PLXDC2: variants seen among roughly 807,000 people sequenced by gnomAD.
PLXDC2 encodes plexin domain containing 2.
Under a neutral mutation model 68.9 loss-of-function variants are expected in PLXDC2, and 40 were observed. The ratio of observed to expected loss-of-function variants is 0.58; its 90% CI spans 0.45 to 0.76. PLXDC2 has a LOEUF of 0.76. PLXDC2 is among the 30% of genes least tolerant of loss of function. PLXDC2 has a pLI of 0.00. For synonymous variants in PLXDC2, 243 were observed against 234.2 expected, an observed-to-expected ratio of 1.04 and a Z score of -0.34; for missense variants, 644 against 661.9, an observed-to-expected ratio of 0.97 and a Z score of 0.30.
At chr10:19,936,767 C>G (rs1230244108) in intron 1 of PLXDC2, among the ~76,000 whole-genome samples, 1 of 152,138 alleles carries the variant, frequency 6.6e-6, no homozygotes, top group African/African-American at 2.4e-5. Context: ...GATCATTTGC[C>G]TTAGAATGTG....
chr10:19,845,670 T>A (rs1836994945), intron 1 of PLXDC2, among the ~76,000 whole-genome samples: 1 of 152,212 alleles, frequency 6.6e-6, no homozygotes, highest in South Asian at 2.1e-4. Context: ...GCTCCTTGAC[T>A]GCTCCTGCAG....
intron 1 of PLXDC2, among the ~76,000 whole-genome samples, chr10:19,881,918 T>G (rs185098648): frequency 2.6e-5 from 4 of 152,358 alleles, no homozygotes; most frequent in Admixed American, 2.0e-4. Context: ...CCTTCTCAAC[T>G]AACTGAAAGA....
chr10:19,821,071 G>A (rs141527823), intron 1 of PLXDC2, among the ~76,000 whole-genome samples: 2 of 152,234 alleles, frequency 1.3e-5, no homozygotes, highest in Non-Finnish European at 2.9e-5. Context: ...GCGACAAAGG[G>A]AGACCCTGCC....
In PLXDC2 at chr10:20,147,681, A is replaced by G. The variant is rs1834097667; in HGVS notation, c.665-103A>G. On this transcript the variant is annotated intron_variant, in intron 5 of 13. Coordinates refer to ENST00000377252, the MANE Select transcript of PLXDC2 (RefSeq NM_032812.9). The stretch of plus-strand genomic sequence containing the variant: ...ATAAAATCGAAATAGTACAACTACC[A>G]GATTTGAAGGCCAGATGCAAAAACA... The G allele has an allele frequency of 6.0e-6, 4 of 665,800 alleles. No homozygotes were observed. The South Asian group carries it at 8.5e-5, about 14-fold the overall frequency. 41.2% of individuals were successfully genotyped at this position (665,800 alleles called of 1,614,324 possible). A position where few individuals can be genotyped will look rare whatever the true frequency, so the allele number is the denominator to read the frequency against.
Position 20,279,905 on chromosome 10 carries a change from C to CAA in PLXDC2, c.*87_*88insAA. 2.1e-6 allele frequency: 2 copies of CAA among 964,314 alleles called. No homozygotes were observed. Among genetic ancestry groups the CAA allele is most frequent in the Non-Finnish European group, 3.3e-6 (2 of 607,956 alleles). The allele number at this position is 964,314 out of a possible 1,614,324, so 59.7% of individuals were successfully genotyped here. ...TATACCTTTAAGACAAACAAACAAACACACACACAAACAAGCTCTAAGCTG... is the reference window on the plus strand; with the variant it reads ...TATACCTTTAAGACAAACAAACAAACAAACACACACAAACAAGCTCTAAGCTG... On this transcript the variant is annotated 3_prime_UTR_variant, in exon 14 of 14. Coordinates refer to ENST00000377252, the MANE Select transcript of PLXDC2 (RefSeq NM_032812.9).
chr10:19,847,795 T>C (rs1837037943), intron 1 of PLXDC2, among the ~76,000 whole-genome samples: 1 of 151,900 alleles, frequency 6.6e-6, no homozygotes, highest in Admixed American at 6.6e-5. Context: ...TCACATAGAG[T>C]CTATATTTTG....
chr10:20,099,514 A>T (rs961678329), intron 4 of PLXDC2, among the ~76,000 whole-genome samples: 3 of 152,186 alleles, frequency 2.0e-5, no homozygotes, highest in African/African-American at 7.2e-5. Flanking sequence ...CTTCTCACAG[A>T]TCCTCAAAAG....
At chr10:20,155,005 T>C (rs1235364698) in intron 6 of PLXDC2, among the ~76,000 whole-genome samples, 2 of 152,276 alleles carry the variant, frequency 1.3e-5, no homozygotes, top group Non-Finnish European at 2.9e-5. Context: ...GAGGTCAATA[T>C]AGAGGAACTT....
At chr10:19,996,791 G>A (rs1301893237) in intron 1 of PLXDC2, among the ~76,000 whole-genome samples, 1 of 152,130 alleles carries the variant, frequency 6.6e-6, no homozygotes, top group Non-Finnish European at 1.5e-5. Flanking sequence ...GGAAGGCGAG[G>A]AGGGGCAAGT....
chr10:20,266,141 G>A lies in PLXDC2; in HGVS notation c.1474-13562G>A, dbSNP rs577670563. On this transcript the variant is annotated intron_variant, in intron 13 of 13. Coordinates refer to ENST00000377252, the MANE Select transcript of PLXDC2 (RefSeq NM_032812.9). ...ATAAGGTCACATAAGACGTTTATTA[G>A]AGTAATGAGAAATCAGGGAAAATCA... Among the ~76,000 whole-genome samples the A allele has an allele frequency of 1.3e-4, 20 of 152,264 alleles. 1 individual carries two copies. The East Asian group carries it at 3.9e-3, about 29-fold the overall frequency.
intron 4 of PLXDC2, among the ~76,000 whole-genome samples, chr10:20,104,807 C>T (rs1426120619): frequency 6.6e-6 from 1 of 152,102 alleles, no homozygotes; most frequent in East Asian, 1.9e-4. Flanking sequence ...AATCCCAGCA[C>T]TGCGGGAAGC....
intron 4 of PLXDC2, among the ~76,000 whole-genome samples, chr10:20,111,195 AT>A (rs1268211298): frequency 6.6e-6 from 1 of 152,126 alleles, no homozygotes; most frequent in Non-Finnish European, 1.5e-5. Context: ...CTTGCAAACC[AT>A]TGTACTCACA....
At chr10:20,019,570 C>T (rs950722375) in intron 2 of PLXDC2, among the ~76,000 whole-genome samples, 3 of 152,078 alleles carry the variant, frequency 2.0e-5, no homozygotes, top group Non-Finnish European at 4.4e-5. Flanking sequence ...GTCATAAGGA[C>T]GGAGTCCTAA....
At chr10:19,975,880 T>G in intron 1 of PLXDC2, among the ~76,000 whole-genome samples, 1 of 152,124 alleles carries the variant, frequency 6.6e-6, no homozygotes, top group East Asian at 1.9e-4. Context: ...GGCATGCGCC[T>G]GTAATCCCAG....
chr10:20,185,786 A>G (rs1383053782), intron 9 of PLXDC2, among the ~76,000 whole-genome samples: 6 of 151,968 alleles, frequency 3.9e-5, no homozygotes, highest in Non-Finnish European at 8.8e-5. Flanking sequence ...ATACCTAATA[A>G]TCAAAATGAA....
chr10:20,194,716 A>G (rs923554749), intron 9 of PLXDC2, among the ~76,000 whole-genome samples: 1 of 151,680 alleles, frequency 6.6e-6, no homozygotes, highest in Non-Finnish European at 1.5e-5. Flanking sequence ...TACATGTGCC[A>G]TGTTGGTGTG....
chr10:19,832,448 A>G (rs1032959070), intron 1 of PLXDC2, among the ~76,000 whole-genome samples: 1 of 152,242 alleles, frequency 6.6e-6, no homozygotes, highest in Non-Finnish European at 1.5e-5. Flanking sequence ...TATATCTCAT[A>G]TTCTTTATAC....
intron 1 of PLXDC2, among the ~76,000 whole-genome samples, chr10:19,941,336 C>A (rs1181017532): frequency 6.6e-6 from 1 of 152,208 alleles, no homozygotes; most frequent in Non-Finnish European, 1.5e-5. Context: ...CTCTCTTGGA[C>A]CTGGGAATTG....
intron 9 of PLXDC2, among the ~76,000 whole-genome samples, chr10:20,208,738 G>A (rs763469601): frequency 5.3e-5 from 8 of 152,016 alleles, no homozygotes; most frequent in African/African-American, 9.7e-5. Context: ...GCCAGATATC[G>A]GGTGAAATTC....
Sources: gnomAD v4.1 joint callset for allele counts (sites outside exome capture counted in the v4.1 genomes callset) on GRCh38, gnomAD v4.1.1 for gene constraint, MANE v1.5 for transcripts, NCBI Gene and HGNC (gene_info 2026-07-23, HGNC 2026-07-21) for gene names.